The following CNTN4 variants were observed in gnomAD, a reference collection of about 807,000 sequenced individuals.
CNTN4 encodes the protein contactin-4.
In CNTN4, 77 loss-of-function variants were observed where a neutral mutation model predicts 122.5. That is an observed-to-expected ratio of 0.63 (90% CI 0.52 to 0.76). The LOEUF (loss-of-function observed/expected upper bound fraction) is 0.76, where lower values mean the gene tolerates loss of function less well. Among genes scored for constraint, CNTN4 ranks in the 30% least tolerant of loss-of-function variants. CNTN4 has a pLI of 0.00. For synonymous variants in CNTN4, 512 were observed against 447.0 expected (o/e 1.15, Z -1.83); for missense variants, 1,256 against 1,259.1 (o/e 1.00, Z 0.04).
intron 13 of CNTN4, among the ~76,000 whole-genome samples, chr3:2,945,622 C>G (rs555805436): frequency 2.0e-5 from 3 of 152,192 alleles, no homozygotes; most frequent in South Asian, 4.2e-4. Context: ...AGGGAGGAGA[C>G]AGGAAGGAAA....
intron 4 of CNTN4, among the ~76,000 whole-genome samples, chr3:2,623,121 T>A (rs948820372): frequency 6.6e-6 from 1 of 152,214 alleles, no homozygotes; most frequent in African/African-American, 2.4e-5. Context: ...ACTTCCCTGC[T>A]CATGGTAATA....
chr3:3,047,521 A>T (rs1700786575), intron 23 of CNTN4, among the ~76,000 whole-genome samples: 1 of 148,502 alleles, frequency 6.7e-6, no homozygotes. Context: ...CCGCTCCTGA[A>T]TGACTACTGG....
At chr3:2,736,081 C>T (rs777717553) in intron 4 of CNTN4, 134 bp from the exon 5 acceptor site, 247 of 914,042 alleles carry the variant, frequency 2.7e-4, no homozygotes, top group Non-Finnish European at 4.1e-4. Flanking sequence ...CTTCTAGAAG[C>T]TGAAACACAG....
At chr3:2,421,989 T>C (rs1361152231) in intron 3 of CNTN4, among the ~76,000 whole-genome samples, 1 of 152,222 alleles carries the variant, frequency 6.6e-6, no homozygotes, top group African/African-American at 2.4e-5. Context: ...GTACCTGATT[T>C]TGTACTCCTA....
At chr3:2,235,136 A>G (rs563381793) in intron 2 of CNTN4, among the ~76,000 whole-genome samples, 2 of 152,324 alleles carry the variant, frequency 1.3e-5, no homozygotes, top group East Asian at 3.9e-4. Flanking sequence ...TCAGAGACAA[A>G]AAGGATTTAT....
chr3:2,446,825 A>C (rs1243161664), intron 3 of CNTN4, among the ~76,000 whole-genome samples: 1 of 152,196 alleles, frequency 6.6e-6, no homozygotes, highest in Admixed American at 6.5e-5. Flanking sequence ...CAGGTTGAGA[A>C]AACCTCTCTG....
At chr3:2,277,916 G>A (rs188935228) in intron 2 of CNTN4, among the ~76,000 whole-genome samples, 6 of 152,124 alleles carry the variant, frequency 3.9e-5, no homozygotes, top group Admixed American at 3.3e-4. Flanking sequence ...AATACCAGAA[G>A]CACAGAGGAT....
At chr3:3,019,552 C>T (rs550295522) in intron 14 of CNTN4, among the ~76,000 whole-genome samples, 4 of 151,972 alleles carry the variant, frequency 2.6e-5, no homozygotes, top group Non-Finnish European at 5.9e-5. Flanking sequence ...GCCTCAGCCT[C>T]CCAAAGTGCT....
chr3:2,996,252 G>C (rs1336099445), intron 14 of CNTN4, among the ~76,000 whole-genome samples: 1 of 152,090 alleles, frequency 6.6e-6, no homozygotes, highest in Non-Finnish European at 1.5e-5. Context: ...TTCTGGAAGA[G>C]GGAATATGAG....
chr3:2,507,344 T>A lies in CNTN4; in HGVS notation c.-88-64072T>A, dbSNP rs751365931. Among the ~76,000 whole-genome samples, 12 of 152,270 alleles carry A rather than the reference T, an allele frequency of 7.9e-5. No homozygotes were observed. The East Asian group carries it at 1.9e-3, about 25-fold the overall frequency. ...AACAACCAAAAATCAGGGTTTTTTT[T>A]AAACTGTCTTTGTTGGAAGGAAAAT... On this transcript the variant is annotated intron_variant, in intron 3 of 24. Transcript: ENST00000418658.
intron 3 of CNTN4, among the ~76,000 whole-genome samples, chr3:2,548,358 A>G (rs71311705): frequency 0.35 from 53,213 of 151,962 alleles, 9,932 homozygotes; most frequent in Non-Finnish European, 0.41. Flanking sequence ...TGTATAAGGT[A>G]TAAGGAAAGG....
In CNTN4 at chr3:2,403,888, T is replaced by C. The variant is rs1177554050; in HGVS notation, c.-89+64655T>C. 2.6e-5 allele frequency among the ~76,000 whole-genome samples: 4 copies of C among 152,210 alleles called. No homozygotes were observed. In the South Asian group the frequency reaches 8.3e-4, roughly 31 times the overall value. On this transcript the variant is annotated intron_variant, in intron 3 of 24. Coordinates refer to ENST00000418658, the MANE Select transcript of CNTN4 (RefSeq NM_175607.3). ...TAGAATTCTTTCTGCTCTATCATTA[T>C]GCTGCTCTTTAGAAAATGGGTATAG...
intron 3 of CNTN4, among the ~76,000 whole-genome samples, chr3:2,388,288 G>T (rs982736421): frequency 2.0e-5 from 3 of 151,968 alleles, no homozygotes; most frequent in Non-Finnish European, 4.4e-5. Context: ...TAAATGTTCT[G>T]GATACAAAAA....
intron 3 of CNTN4, among the ~76,000 whole-genome samples, chr3:2,379,219 C>T (rs2150744633): frequency 6.6e-6 from 1 of 151,844 alleles, no homozygotes; most frequent in Non-Finnish European, 1.5e-5. Context: ...TTTTCTTTTC[C>T]TTTCCTTTTT....
intron 2 of CNTN4, among the ~76,000 whole-genome samples, chr3:2,157,243 C>A (rs1318534340): frequency 6.6e-6 from 1 of 152,074 alleles, no homozygotes; most frequent in Non-Finnish European, 1.5e-5. Context: ...ATATGTGAGA[C>A]TGGGTTGAGA....
chr3:2,273,809 T>C (rs2041393397), intron 2 of CNTN4, among the ~76,000 whole-genome samples: 1 of 152,200 alleles, frequency 6.6e-6, no homozygotes, highest in Non-Finnish European at 1.5e-5. Context: ...GTTATCCTGG[T>C]TAGTTAACAA....
At chr3:2,219,611 G>T (rs2038982266) in intron 2 of CNTN4, among the ~76,000 whole-genome samples, 3 of 152,060 alleles carry the variant, frequency 2.0e-5, no homozygotes, top group African/African-American at 7.2e-5. Flanking sequence ...TCTCTTGAAA[G>T]AATCTTTAAT....
chr3:2,526,994 C>G (rs375015904), intron 3 of CNTN4, among the ~76,000 whole-genome samples: 3 of 152,136 alleles, frequency 2.0e-5, no homozygotes, highest in East Asian at 3.9e-4. Context: ...TACCATTAAC[C>G]TCTCTGGACT....
At position 2,362,460 on chromosome 3, in the gene CNTN4, A is replaced by G. The variant is rs114322156; in HGVS notation, c.-89+23227A>G. 3,382 of 439,422 alleles carry G rather than the reference A, an allele frequency of 7.7e-3. 108 individuals are homozygous for G. Among genetic ancestry groups the G allele is most frequent in the African/African-American group, 0.063 (3,079 of 48,704 alleles). The allele number at this position is 439,422 out of a possible 1,614,324, so 27.2% of individuals were successfully genotyped here. ...ACCATCGCCTCCCAGCCTACATCCT[A>G]TATGAGGACTAGCAGTGTCTTGTGT... On this transcript the variant is annotated intron_variant, in intron 3 of 24. Transcript: ENST00000418658.
Sources: allele counts gnomAD v4.1 joint callset (sites outside exome capture counted in the v4.1 genomes callset), GRCh38; gene constraint gnomAD v4.1.1; transcripts MANE v1.5; gene names NCBI Gene and HGNC (gene_info 2026-07-23, HGNC 2026-07-21).